Variants in RUNX1 observed in about 807,000 individuals in gnomAD.
RUNX1 encodes runt-related transcription factor 1.
A neutral mutation model predicts 42.8 loss-of-function variants in RUNX1; 19 were observed. The observed-to-expected ratio is 0.44, with a 90% CI of 0.31 to 0.65. The LOEUF is 0.65. Among genes scored for constraint, RUNX1 ranks in the 30% least tolerant of loss-of-function variants. The pLI is 0.07. For synonymous variants in RUNX1, 271 were observed against 289.4 expected (o/e 0.94, Z 0.64); for missense variants, 528 against 672.0 (o/e 0.79, Z 2.37).
Position 34,908,699 on chromosome 21 carries a change from C to T in RUNX1, c.59-15736G>A, listed in dbSNP as rs189297231. ...CAGTTTCACACCCTGCTGCCCAAGTCCTGCTTTCCCAATTTGTAGGTCTTT... is the reference window on the plus strand; with the variant it reads ...CAGTTTCACACCCTGCTGCCCAAGTTCTGCTTTCCCAATTTGTAGGTCTTT... On this transcript the variant is annotated intron_variant, in intron 2 of 8. Coordinates refer to ENST00000675419, the MANE Select transcript of RUNX1 (RefSeq NM_001754.5). Among the ~76,000 whole-genome samples the T allele has an allele frequency of 1.6e-4, 24 of 152,306 alleles. 1 individual carries two copies. The East Asian group carries it at 4.4e-3, about 28-fold the overall frequency.
chr21:34,933,459 AT>A (rs1384689926), intron 2 of RUNX1, among the ~76,000 whole-genome samples: 1 of 152,150 alleles, frequency 6.6e-6, no homozygotes, highest in African/African-American at 2.4e-5. Context: ...AACATCTGAC[AT>A]TTTATGAGTG....
chr21:34,863,692 T>C (rs1252800875), intron 5 of RUNX1, among the ~76,000 whole-genome samples: 2 of 151,636 alleles, frequency 1.3e-5, no homozygotes, highest in Non-Finnish European at 2.9e-5. Context: ...GTAGCTGGGA[T>C]TACATGTGCA....
At chr21:34,955,458 G>C (rs968102882) in intron 2 of RUNX1, among the ~76,000 whole-genome samples, 1 of 152,040 alleles carries the variant, frequency 6.6e-6, no homozygotes, top group Non-Finnish European at 1.5e-5. Flanking sequence ...CCATGAAGGG[G>C]AAAAAGGGAG....
intron 6 of RUNX1, among the ~76,000 whole-genome samples, chr21:34,849,306 T>C (rs1261040492): frequency 2.0e-5 from 1 of 50,512 alleles, no homozygotes; most frequent in Non-Finnish European, 3.5e-5. Context: ...AAATATATAA[T>C]ATATATTATA....
At chr21:34,909,705 C>T (rs2058257169) in intron 2 of RUNX1, among the ~76,000 whole-genome samples, 1 of 151,544 alleles carries the variant, frequency 6.6e-6, no homozygotes, top group Non-Finnish European at 1.5e-5. Flanking sequence ...TCTCTGGCTA[C>T]AGAGGGCCAT....
intron 2 of RUNX1, among the ~76,000 whole-genome samples, chr21:34,904,112 C>A (rs992028580): frequency 1.3e-5 from 2 of 152,040 alleles, no homozygotes; most frequent in African/African-American, 4.8e-5. Context: ...TCATTGTCTA[C>A]CTCTCAAACA....
chr21:34,984,111 C>G (rs1297627801), intron 2 of RUNX1, among the ~76,000 whole-genome samples: 1 of 151,972 alleles, frequency 6.6e-6, no homozygotes, highest in Non-Finnish European at 1.5e-5. Flanking sequence ...GTGTTCAAGA[C>G]AAGAGTGGCC....
intron 2 of RUNX1, among the ~76,000 whole-genome samples, chr21:35,012,299 C>G (rs973346941): frequency 6.6e-6 from 1 of 152,168 alleles, no homozygotes; most frequent in African/African-American, 2.4e-5. Flanking sequence ...CAAATACCCA[C>G]ATGACCTCCT....
At chr21:35,040,770 CCAA>C (rs1218811281) in intron 2 of RUNX1, among the ~76,000 whole-genome samples, 8,292 of 50,634 alleles carry the variant, frequency 0.16, 947 homozygotes, top group African/African-American at 0.32. Flanking sequence ...TAGACTCCAT[CCAA>C]AAAAAAAAAA....
At chr21:34,991,722 T>C (rs2058942944) in intron 2 of RUNX1, among the ~76,000 whole-genome samples, 1 of 152,166 alleles carries the variant, frequency 6.6e-6, no homozygotes, top group Non-Finnish European at 1.5e-5. Flanking sequence ...TTGTGTAGTG[T>C]TCCCCAAAGT....
chr21:34,823,909 G>C (rs974164333), intron 7 of RUNX1, among the ~76,000 whole-genome samples: 1 of 152,130 alleles, frequency 6.6e-6, no homozygotes, highest in Admixed American at 6.5e-5. Context: ...CTTCCAAAAA[G>C]GTTAATTCCC....
At chr21:34,905,196 C>T (rs1053646157) in intron 2 of RUNX1, among the ~76,000 whole-genome samples, 1 of 152,170 alleles carries the variant, frequency 6.6e-6, no homozygotes, top group African/African-American at 2.4e-5. Context: ...TATTTAACAC[C>T]GGCAAATTGA....
At chr21:34,872,599 A>G (rs946983403) in intron 5 of RUNX1, among the ~76,000 whole-genome samples, 5 of 152,186 alleles carry the variant, frequency 3.3e-5, no homozygotes, top group African/African-American at 4.8e-5. Context: ...ATACATTTTG[A>G]TAAGTTTGTA....
intron 2 of RUNX1, among the ~76,000 whole-genome samples, chr21:34,915,928 AG>A (rs1343651129): frequency 2.6e-5 from 4 of 152,204 alleles, no homozygotes; most frequent in Non-Finnish European, 5.9e-5. Flanking sequence ...CCAGAGATAT[AG>A]GTTGTCTTCT....
chr21:34,952,804 C>T (rs1212883252), intron 2 of RUNX1, among the ~76,000 whole-genome samples: 1 of 152,126 alleles, frequency 6.6e-6, no homozygotes, highest in African/African-American at 2.4e-5. Context: ...TGGTGTTAGG[C>T]AGGTCTTTTG....
In RUNX1 at chr21:34,791,998, G is replaced by C. The variant is rs377465305; in HGVS notation, c.*137C>G. 2.0e-6 allele frequency: 1 copy of C among 505,352 alleles called. No homozygotes were observed. Among genetic ancestry groups the C allele is most frequent in the Non-Finnish European group, 3.3e-6 (1 of 298,610 alleles). 31.3% of individuals were successfully genotyped at this position (505,352 alleles called of 1,614,324 possible). A position where few individuals can be genotyped will look rare whatever the true frequency, so the allele number is the denominator to read the frequency against. On this transcript the variant is annotated 3_prime_UTR_variant, in exon 9 of 9. Coordinates refer to ENST00000675419, the MANE Select transcript of RUNX1 (RefSeq NM_001754.5). Reference sequence around the variant, plus strand: ...CCTGACCTACAGCGAGATCCTGGCCGTCGGGCGCCCTCGGCCCCAGGACGG... The same window carrying C: ...CCTGACCTACAGCGAGATCCTGGCCCTCGGGCGCCCTCGGCCCCAGGACGG...
chr21:34,992,973 G>A (rs2058957109), intron 2 of RUNX1, among the ~76,000 whole-genome samples: 1 of 152,258 alleles, frequency 6.6e-6, no homozygotes, highest in Non-Finnish European at 1.5e-5. Flanking sequence ...CTCCCTCCGG[G>A]TGGTTCTCTA....
intron 5 of RUNX1, among the ~76,000 whole-genome samples, chr21:34,864,071 T>C (rs992603087): frequency 2.0e-5 from 3 of 152,196 alleles, no homozygotes; most frequent in Non-Finnish European, 4.4e-5. Flanking sequence ...AGAGCCTTGA[T>C]ACTGGGCTGC....
chr21:35,008,532 G>C (rs1286364344), intron 2 of RUNX1, among the ~76,000 whole-genome samples: 1 of 152,176 alleles, frequency 6.6e-6, no homozygotes, highest in Non-Finnish European at 1.5e-5. Context: ...ATGAGGATGG[G>C]GCAGACCACA....
Sources: allele counts gnomAD v4.1 joint callset (sites outside exome capture counted in the v4.1 genomes callset), GRCh38; gene constraint gnomAD v4.1.1; transcripts MANE v1.5; gene names NCBI Gene and HGNC (gene_info 2026-07-23, HGNC 2026-07-21).